COG7: variants seen among roughly 807,000 people sequenced by gnomAD.
COG7 encodes the protein component of oligomeric golgi complex 7, also known as conserved oligomeric Golgi complex subunit 7.
COG7 carries 49 observed loss-of-function variants against 91.5 expected under a neutral mutation model. The observed-to-expected ratio is 0.54, with a 90% confidence interval of 0.43 to 0.68. The LOEUF (loss-of-function observed/expected upper bound fraction) is 0.68, where lower values mean the gene tolerates loss of function less well. Among genes scored for constraint, COG7 ranks in the 30% least tolerant of loss-of-function variants. The probability of loss-of-function intolerance (pLI) is 0.00; values close to 1 mark genes in which losing one functional copy is unlikely to be tolerated. For synonymous variants in COG7, 365 were observed against 388.7 expected (o/e 0.94, Z 0.72); for missense variants, 895 against 961.3 (o/e 0.93, Z 0.91).
chr16:23,429,451 C>T (rs1416356039), intron 6 of COG7, among the ~76,000 whole-genome samples: 1 of 152,074 alleles, frequency 6.6e-6, no homozygotes, highest in Non-Finnish European at 1.5e-5. Flanking sequence ...TGGAAACATA[C>T]CAAGTGTCTA....
At chr16:23,411,291 A>G (rs1309676265) in intron 10 of COG7, among the ~76,000 whole-genome samples, 1 of 152,218 alleles carries the variant, frequency 6.6e-6, no homozygotes, top group East Asian at 1.9e-4. Flanking sequence ...TCCAAGGATT[A>G]AAAACATCTT....
At chr16:23,390,875 C>T (rs752395238) in intron 16 of COG7, among the ~76,000 whole-genome samples, 1 of 152,272 alleles carries the variant, frequency 6.6e-6, no homozygotes, top group Non-Finnish European at 1.5e-5. Flanking sequence ...ACAAGTTTAT[C>T]CATAAAACCG....
intron 5 of COG7, 95 bp from the exon 6 acceptor site, chr16:23,433,762 T>G: frequency 1.4e-6 from 2 of 1,480,516 alleles, no homozygotes; most frequent in Non-Finnish European, 1.9e-6. Context: ...AATCACGGAT[T>G]GCTCAATGGG....
intron 3 of COG7, among the ~76,000 whole-genome samples, chr16:23,444,113 G>A (rs1172506363): frequency 6.6e-6 from 1 of 151,636 alleles, no homozygotes; most frequent in Non-Finnish European, 1.5e-5. Flanking sequence ...ACTCCAGCCT[G>A]GGCTTCAGAA....
intron 11 of COG7, among the ~76,000 whole-genome samples, chr16:23,408,642 T>G (rs980775372): frequency 1.3e-5 from 2 of 152,014 alleles, no homozygotes; most frequent in Admixed American, 1.3e-4. Context: ...GAGCAGCTGC[T>G]GCTGTTCCTA....
At chr16:23,443,949 C>T (rs1167014356) in intron 3 of COG7, among the ~76,000 whole-genome samples, 1 of 151,590 alleles carries the variant, frequency 6.6e-6, no homozygotes, top group Admixed American at 6.6e-5. Context: ...GTCAGTAGTT[C>T]AAGACCAGCC....
intron 7 of COG7, among the ~76,000 whole-genome samples, chr16:23,422,371 C>T (rs1047159983): frequency 7.9e-5 from 12 of 151,046 alleles, no homozygotes; most frequent in African/African-American, 2.9e-4. Context: ...CATTTAATGA[C>T]ATAAGAAAAT....
chr16:23,405,989 G>A (rs1963454011), intron 12 of COG7, 87 bp downstream of exon 12: 2 of 1,254,376 alleles, frequency 1.6e-6, no homozygotes, highest in Non-Finnish European at 1.2e-6. Context: ...GCCACACACA[G>A]GGCCCGCCTG....
rs1963212745 is a variant in COG7 at position 23,392,365 on chromosome 16, C to T, written c.2146+15G>A. 1 of 1,613,978 alleles carries T rather than the reference C, an allele frequency of 6.2e-7. No homozygotes were observed. The highest frequency in any genetic ancestry group is 1.3e-5 in the African/African-American group (1 of 74,922). ...AAGAGCTGTCCCTCCCACCGCCTGT[C>T]TTGTGGGGACCCACCGATGTCAGTG... On this transcript the variant is annotated intron_variant, in intron 16 of 16. Transcript: ENST00000307149.
chr16:23,452,254 C>T (rs1964276478), intron 1 of COG7, among the ~76,000 whole-genome samples: 1 of 152,220 alleles, frequency 6.6e-6, no homozygotes. Flanking sequence ...AAGATCCACT[C>T]TTTTAAGTTC....
rs777110956 is a variant in COG7, at chr16:23,442,688, C to T, written c.436-43G>A. 7.2e-6 allele frequency: 11 copies of T among 1,531,028 alleles called. No homozygotes were observed. The East Asian group carries it at 2.2e-4, about 31-fold the overall frequency. 94.8% of individuals were successfully genotyped at this position (1,531,028 alleles called of 1,614,324 possible). On this transcript the variant is annotated intron_variant, in intron 3 of 16. Coordinates refer to ENST00000307149, the MANE Select transcript of COG7 (RefSeq NM_153603.4). ...AGAGAATATTTATTTTAAATGATCC[C>T]TACTGCCTCAATTGGGAATAGATAA...
chr16:23,392,409 T>C lies in COG7; in HGVS notation c.2117A>G (p.His706Arg). Residue 706 changes from histidine (H) to arginine (R), a missense_variant, in exon 16 of 17, where the codon CAC becomes CGC. Physicochemically the swap from His to Arg is conservative, Grantham distance 29. Transcript: ENST00000307149. ...AILQIPELSP[H>R]SAKQLATDID... ...GTCAGTGGCCAGCTGCTTGGCAGAG[T>C]GTGGGCTCAGCTCAGGGATCTGTAG... 1.2e-6 allele frequency: 2 copies of C among 1,614,088 alleles called. No individual in the cohort carries two copies. The highest frequency in any genetic ancestry group is 1.7e-6 in the Non-Finnish European group (2 of 1,180,028).
chr16:23,416,931 A>T (rs200403702), intron 9 of COG7, 36 bp downstream of exon 9: 8 of 1,613,714 alleles, frequency 5.0e-6, no homozygotes, highest in Admixed American at 1.7e-5. Flanking sequence ...CACTGCTCCA[A>T]TGTGGCCCGT....
At chr16:23,439,491 G>A (rs1176785810) in intron 4 of COG7, among the ~76,000 whole-genome samples, 1 of 152,132 alleles carries the variant, frequency 6.6e-6, no homozygotes, top group Non-Finnish European at 1.5e-5. Context: ...AATAGATAGA[G>A]AAAATGTGGT....
At chr16:23,421,269 C>T (rs1025536481) in intron 7 of COG7, among the ~76,000 whole-genome samples, 2 of 151,564 alleles carry the variant, frequency 1.3e-5, no homozygotes, top group African/African-American at 2.4e-5. Flanking sequence ...AATATATTTA[C>T]AACATATTTG....
chr16:23,446,021 T>G (rs928090584), intron 1 of COG7, 60 bp from the exon 2 acceptor site: 2 of 1,567,850 alleles, frequency 1.3e-6, no homozygotes, highest in African/African-American at 2.8e-5. Context: ...AAGGTGAAAG[T>G]TGGACCAGCC....
intron 6 of COG7, among the ~76,000 whole-genome samples, chr16:23,425,763 T>TG (rs1372811785): frequency 2.0e-5 from 3 of 152,212 alleles, no homozygotes; most frequent in Non-Finnish European, 2.9e-5. Context: ...AATGTGAACA[T>TG]GCTCAGAAAG....
chr16:23,413,230 T>C (rs1963594933), intron 10 of COG7: 2 of 503,562 alleles, frequency 4.0e-6, no homozygotes, highest in Non-Finnish European at 3.6e-6. Context: ...AAAGAACTTT[T>C]AAAAATATCT....
At chr16:23,422,320 C>CA (rs1014672953) in intron 7 of COG7, among the ~76,000 whole-genome samples, 95 of 141,478 alleles carry the variant, frequency 6.7e-4, no homozygotes, top group Admixed American at 1.5e-3. Flanking sequence ...CTCAAAAAAA[C>CA]AAAAAAAAAA....
Sources: allele counts gnomAD v4.1 joint callset (sites outside exome capture counted in the v4.1 genomes callset), GRCh38; gene constraint gnomAD v4.1.1; transcripts MANE v1.5; gene names NCBI Gene and HGNC (gene_info 2026-07-23, HGNC 2026-07-21).